The following CNTNAP2 variants were observed in gnomAD, a reference collection of about 807,000 sequenced individuals.
CNTNAP2 encodes contactin-associated protein-like 2.
Under a neutral mutation model 155.2 loss-of-function variants are expected in CNTNAP2, and 98 were observed. The observed-to-expected ratio is 0.63, with a 90% confidence interval of 0.54 to 0.75. The LOEUF (loss-of-function observed/expected upper bound fraction) is 0.75. Among genes scored for constraint, CNTNAP2 ranks in the 30% least tolerant of loss-of-function variants. The pLI is 0.00. For synonymous variants in CNTNAP2, 651 were observed against 631.2 expected, an observed-to-expected ratio of 1.03 and a Z score of -0.47; for missense variants, 1,727 against 1,688.1, an observed-to-expected ratio of 1.02 and a Z score of -0.40.
In CNTNAP2 at chr7:146,250,088, A is replaced by G. The variant is rs527992279; in HGVS notation, c.97+133115A>G. Among the ~76,000 whole-genome samples the G allele has an allele frequency of 2.4e-3, 358 of 152,274 alleles. 1 individual carries two copies. Among genetic ancestry groups the G allele is most frequent in the Admixed American group, 0.011 (173 of 15,292 alleles). On this transcript the variant is annotated intron_variant, in intron 1 of 23. Transcript: ENST00000361727. ...AAATTAAATCTATTACGTGCCAGAAACAAATTACCCCAAAGTTAACCTAAA... is the reference window on the plus strand; with the variant it reads ...AAATTAAATCTATTACGTGCCAGAAGCAAATTACCCCAAAGTTAACCTAAA...
chr7:146,423,958 G>T (rs921179022), intron 1 of CNTNAP2, among the ~76,000 whole-genome samples: 1 of 152,154 alleles, frequency 6.6e-6, no homozygotes, highest in Admixed American at 6.6e-5. Flanking sequence ...GTGCTGGAGA[G>T]ATGAAGTGAC....
chr7:147,535,037 G>A (rs1406018429), intron 11 of CNTNAP2, among the ~76,000 whole-genome samples: 2 of 152,250 alleles, frequency 1.3e-5, no homozygotes, highest in Non-Finnish European at 2.9e-5. Context: ...CTACCCCAAT[G>A]TGTGGCATTA....
At chr7:147,771,836 TTG>T (rs981756229) in intron 13 of CNTNAP2, among the ~76,000 whole-genome samples, 3 of 152,152 alleles carry the variant, frequency 2.0e-5, no homozygotes, top group African/African-American at 7.2e-5. Context: ...TTGATATATT[TTG>T]TGTTTTCCTA....
chr7:147,079,100 T>C (rs928703786), intron 4 of CNTNAP2, among the ~76,000 whole-genome samples: 2 of 152,216 alleles, frequency 1.3e-5, no homozygotes. Flanking sequence ...ACATACTCTG[T>C]AATATAACAT....
At chr7:146,840,022 C>CTATT (rs766848589) in intron 3 of CNTNAP2, 118 bp downstream of exon 3, 4 of 1,209,014 alleles carry the variant, frequency 3.3e-6, no homozygotes, top group Non-Finnish European at 4.7e-6. Flanking sequence ...CATTGGGAAA[C>CTATT]TATTTATTCA....
At chr7:147,495,212 G>C (rs188823807) in intron 11 of CNTNAP2, among the ~76,000 whole-genome samples, 1 of 152,178 alleles carries the variant, frequency 6.6e-6, no homozygotes, top group South Asian at 2.1e-4. Flanking sequence ...TTGGGAAGAC[G>C]TTCAAGCAGG....
At chr7:147,964,435 A>G (rs186301364) in intron 14 of CNTNAP2, among the ~76,000 whole-genome samples, 1 of 152,136 alleles carries the variant, frequency 6.6e-6, no homozygotes, top group African/African-American at 2.4e-5. Context: ...ATTTGTTTCC[A>G]TCATTTTCCT....
intron 10 of CNTNAP2, among the ~76,000 whole-genome samples, chr7:147,447,868 G>T (rs956281306): frequency 6.6e-6 from 1 of 151,752 alleles, no homozygotes; most frequent in East Asian, 1.9e-4. Flanking sequence ...TATAAATATG[G>T]CTAGTATCAA....
intron 13 of CNTNAP2, among the ~76,000 whole-genome samples, chr7:147,830,971 A>G (rs17227485): frequency 0.044 from 6,747 of 152,310 alleles, 205 homozygotes; most frequent in Middle Eastern, 0.061. Flanking sequence ...GCTTTTACCA[A>G]TTGCATTACC....
chr7:148,015,216 TA>T (rs376947146), intron 15 of CNTNAP2, among the ~76,000 whole-genome samples: 1 of 152,220 alleles, frequency 6.6e-6, no homozygotes, highest in Non-Finnish European at 1.5e-5. Context: ...AGTATTTTTT[TA>T]AAAAAGATGC....
intron 21 of CNTNAP2, among the ~76,000 whole-genome samples, chr7:148,285,832 G>T (rs767119245): frequency 6.6e-6 from 1 of 152,178 alleles, no homozygotes; most frequent in Non-Finnish European, 1.5e-5. Context: ...AGGAGAATTA[G>T]GGGTGCTGAC....
At chr7:147,752,464 G>A (rs150735194) in intron 13 of CNTNAP2, among the ~76,000 whole-genome samples, 28 of 152,244 alleles carry the variant, frequency 1.8e-4, no homozygotes, top group African/African-American at 6.0e-4. Flanking sequence ...TCATGAAAAT[G>A]GAACCGTCGT....
intron 14 of CNTNAP2, among the ~76,000 whole-genome samples, chr7:147,949,216 A>T (rs1377167887): frequency 6.6e-6 from 1 of 151,976 alleles, no homozygotes; most frequent in African/African-American, 2.4e-5. Context: ...AAAGAAAAGA[A>T]AAAAGAAAGA....
At chr7:147,374,322 GT>G (rs1272272622) in intron 9 of CNTNAP2, among the ~76,000 whole-genome samples, 1 of 151,844 alleles carries the variant, frequency 6.6e-6, no homozygotes, top group African/African-American at 2.4e-5. Context: ...TTTGTAACAT[GT>G]TTTTTTCACT....
At position 147,560,168 on chromosome 7, in the gene CNTNAP2, C is replaced by CAAAAAAAA. The variant is rs71183016; in HGVS notation, c.1778-1954_1778-1947dup. On this transcript the variant is annotated intron_variant, in intron 11 of 23. Transcript: ENST00000361727. ...GGGCAACAAGAACGAAACTCCGTCT[C>CAAAAAAAA]AAAAAAAAAAAAAAAAAAAAAAATT... is the stretch of plus-strand genomic sequence containing the variant. Among the ~76,000 whole-genome samples the CAAAAAAAA allele has an allele frequency of 8.7e-3, 461 of 52,808 alleles. 33 individuals carry two copies. The highest frequency in any genetic ancestry group is 0.019 in the African/African-American group (268 of 14,296). The allele number at this position is 52,808 out of a possible 152,430, so 34.6% of individuals were successfully genotyped here.
At chr7:148,152,790 A>G (rs895636239) in intron 17 of CNTNAP2, among the ~76,000 whole-genome samples, 101 of 152,102 alleles carry the variant, frequency 6.6e-4, no homozygotes, top group African/African-American at 2.4e-3. Context: ...GGAGGCCGAG[A>G]TGGGGGGATC....
chr7:148,381,877 C>A (rs539344211), intron 21 of CNTNAP2, among the ~76,000 whole-genome samples: 1 of 152,176 alleles, frequency 6.6e-6, no homozygotes, highest in African/African-American at 2.4e-5. Flanking sequence ...TTGGCCCCCC[C>A]CCAGGGGAAT....
At chr7:146,671,547 G>A (rs1800306527) in intron 1 of CNTNAP2, among the ~76,000 whole-genome samples, 1 of 151,888 alleles carries the variant, frequency 6.6e-6, no homozygotes, top group South Asian at 2.1e-4. Flanking sequence ...CACTAGTTAC[G>A]CAGAGAATGA....
chr7:147,580,896 G>GA (rs1800488118), intron 12 of CNTNAP2, among the ~76,000 whole-genome samples: 1 of 152,080 alleles, frequency 6.6e-6, no homozygotes, highest in Admixed American at 6.5e-5. Context: ...GATTACAGGC[G>GA]TGAGCCAGTG....
Sources: gnomAD v4.1 joint callset for allele counts (sites outside exome capture counted in the v4.1 genomes callset) on GRCh38, gnomAD v4.1.1 for gene constraint, MANE v1.5 for transcripts, NCBI Gene and HGNC (gene_info 2026-07-23, HGNC 2026-07-21) for gene names.